INSYN2B: variants seen among roughly 807,000 people sequenced by gnomAD.
INSYN2B encodes inhibitory synaptic factor family member 2B, also known as protein INSYN2B.
In INSYN2B, 16 loss-of-function variants were observed where a neutral mutation model predicts 41.2. That is an observed-to-expected ratio of 0.39 (90% CI 0.26 to 0.59). The LOEUF is 0.59. INSYN2B is among the 20% of genes least tolerant of loss of function. The pLI, the probability that INSYN2B is intolerant of heterozygous loss-of-function variation, is 0.57. For synonymous variants in INSYN2B, 245 were observed against 244.4 expected, an observed-to-expected ratio of 1.00 and a Z score of -0.02; for missense variants, 608 against 646.4, an observed-to-expected ratio of 0.94 and a Z score of 0.64.
intron 1 of INSYN2B, among the ~76,000 whole-genome samples, chr5:169,971,051 G>A (rs1777485968): frequency 6.6e-6 from 1 of 152,140 alleles, no homozygotes; most frequent in Non-Finnish European, 1.5e-5. Flanking sequence ...TAATGATGAC[G>A]GGGAGAGGGA....
chr5:169,902,814 G>A (rs1359293385), intron 1 of INSYN2B, among the ~76,000 whole-genome samples: 2 of 152,180 alleles, frequency 1.3e-5, no homozygotes, highest in East Asian at 1.9e-4. Context: ...AAAGAAAGGG[G>A]TGAGGCCAGG....
chr5:169,911,320 T>C (rs261006), intron 1 of INSYN2B, among the ~76,000 whole-genome samples: 64,770 of 151,896 alleles, frequency 0.43, 15,086 homozygotes, highest in African/African-American at 0.62. Context: ...CAATCGTGTA[T>C]GAATTTCTGT....
At chr5:169,919,236 C>T (rs1775042207) in intron 1 of INSYN2B, among the ~76,000 whole-genome samples, 1 of 152,132 alleles carries the variant, frequency 6.6e-6, no homozygotes, top group Non-Finnish European at 1.5e-5. Flanking sequence ...CATAAGTTTT[C>T]CAGGGTCACA....
intron 1 of INSYN2B, among the ~76,000 whole-genome samples, chr5:169,907,525 C>T (rs1774351341): frequency 6.6e-6 from 1 of 152,136 alleles, no homozygotes; most frequent in East Asian, 1.9e-4. Flanking sequence ...CACCACTTAG[C>T]GAAGACTAGT....
intron 1 of INSYN2B, among the ~76,000 whole-genome samples, chr5:169,923,907 A>G (rs1415659958): frequency 6.6e-6 from 1 of 152,222 alleles, no homozygotes; most frequent in Non-Finnish European, 1.5e-5. Context: ...TTGTGGGATA[A>G]GCAATCTGCT....
chr5:169,900,158 G>A (rs1431655228), intron 1 of INSYN2B, among the ~76,000 whole-genome samples: 4 of 152,188 alleles, frequency 2.6e-5, no homozygotes, highest in East Asian at 1.9e-4. Context: ...ATCTAAAGGA[G>A]GAGATGGGCA....
At position 169,868,038 on chromosome 5, in the gene INSYN2B, A is replaced by G. The variant is rs140257570; in HGVS notation, c.1422-3579T>C. Among the ~76,000 whole-genome samples, 874 of 152,252 alleles carry G rather than the reference A, an allele frequency of 5.7e-3. 1 individual carries two copies. Among genetic ancestry groups the G allele is most frequent in the Admixed American group, 9.2e-3 (141 of 15,294 alleles). On this transcript the variant is annotated intron_variant, in intron 3 of 3. Transcript: ENST00000377365. Reference sequence around the variant, plus strand: ...CCCTCCCTACTGTGACAGAAAAACAATCTTCATCATAGAGTACCAGATAGA... The same window carrying G: ...CCCTCCCTACTGTGACAGAAAAACAGTCTTCATCATAGAGTACCAGATAGA...
At chr5:169,892,242 A>AC (rs955987457) in intron 1 of INSYN2B, among the ~76,000 whole-genome samples, 1 of 151,486 alleles carries the variant, frequency 6.6e-6, no homozygotes, top group South Asian at 2.1e-4. Flanking sequence ...CATGAAGACA[A>AC]CCCCCCTCAT....
chr5:169,891,132 T>C (rs1773256230), intron 1 of INSYN2B, among the ~76,000 whole-genome samples: 1 of 152,186 alleles, frequency 6.6e-6, no homozygotes, highest in Non-Finnish European at 1.5e-5. Flanking sequence ...TCCCTGGCCC[T>C]GAACATGCTA....
intron 3 of INSYN2B, among the ~76,000 whole-genome samples, chr5:169,878,936 T>C (rs1772478431): frequency 4.6e-5 from 7 of 152,160 alleles, no homozygotes; most frequent in Admixed American, 4.6e-4. Context: ...TAGGCATTGG[T>C]GTTGGGTCTG....
chr5:169,973,518 CA>C (rs527951805), intron 1 of INSYN2B, among the ~76,000 whole-genome samples: 1 of 152,140 alleles, frequency 6.6e-6, no homozygotes, highest in African/African-American at 2.4e-5. Context: ...TCCCCATTCA[CA>C]AAGAGAGAAC....
intron 3 of INSYN2B, among the ~76,000 whole-genome samples, chr5:169,865,475 G>A (rs1771488064): frequency 6.6e-6 from 1 of 152,110 alleles, no homozygotes; most frequent in Admixed American, 6.5e-5. Flanking sequence ...AGAGAGCCGG[G>A]GCAGAAAAAA....
intron 1 of INSYN2B, among the ~76,000 whole-genome samples, chr5:169,935,348 T>G (rs1004338125): frequency 6.6e-6 from 1 of 151,956 alleles, no homozygotes; most frequent in Non-Finnish European, 1.5e-5. Flanking sequence ...GAATCTCACT[T>G]GCGCCCTTCT....
At chr5:169,923,810 T>A (rs1234456454) in intron 1 of INSYN2B, among the ~76,000 whole-genome samples, 1 of 152,240 alleles carries the variant, frequency 6.6e-6, no homozygotes, top group African/African-American at 2.4e-5. Context: ...GCATAGATGT[T>A]ATGCAACTTG....
At chr5:169,885,982 A>T (rs928640498) in intron 1 of INSYN2B, among the ~76,000 whole-genome samples, 2 of 152,208 alleles carry the variant, frequency 1.3e-5, no homozygotes, top group African/African-American at 4.8e-5. Flanking sequence ...GGTGTCTGTC[A>T]TTCCAAAGTC....
chr5:169,945,264 T>C (rs1258511374), intron 1 of INSYN2B, among the ~76,000 whole-genome samples: 1 of 152,254 alleles, frequency 6.6e-6, no homozygotes, highest in Non-Finnish European at 1.5e-5. Flanking sequence ...AACGGGTCAA[T>C]AATACCATAC....
At chr5:169,938,945 C>T (rs1776112461) in intron 1 of INSYN2B, among the ~76,000 whole-genome samples, 1 of 149,274 alleles carries the variant, frequency 6.7e-6, no homozygotes, top group African/African-American at 2.5e-5. Flanking sequence ...GCTCTGTCGC[C>T]CAGGCTGGAG....
rs1347027503 is a variant in INSYN2B, at chr5:169,883,211, T to A, written c.688A>T (p.Ser230Cys). Residue 230 changes from serine (S) to cysteine (C), a missense_variant, in exon 2 of 4, where the codon AGT becomes TGT. Transcript: ENST00000377365. ...ALSPDRSAEV[S>C]NSIHPLDDTR... ...TCATCCAAAGGGTGTATGGAGTTAC[T>A]TACTTCAGCTGACCTGTCTGGGCTG... The A allele has an allele frequency of 3.9e-6, 6 of 1,551,454 alleles. No individual in the cohort carries two copies. In the South Asian group the frequency reaches 7.1e-5, roughly 18 times the overall value.
intron 1 of INSYN2B, among the ~76,000 whole-genome samples, chr5:169,939,050 T>C (rs1230582717): frequency 6.6e-6 from 1 of 151,414 alleles, no homozygotes; most frequent in Non-Finnish European, 1.5e-5. Context: ...ACTACAGGCA[T>C]GCACCACCAC....
Sources: gnomAD v4.1 joint callset for allele counts (sites outside exome capture counted in the v4.1 genomes callset) on GRCh38, gnomAD v4.1.1 for gene constraint, MANE v1.5 for transcripts, NCBI Gene and HGNC (gene_info 2026-07-23, HGNC 2026-07-21) for gene names.